Variants in XPR1 observed in about 807,000 individuals in gnomAD.
XPR1 encodes the protein solute carrier family 53 member 1.
A neutral mutation model predicts 87.5 loss-of-function variants in XPR1; 28 were observed. The ratio of observed to expected loss-of-function variants is 0.32; its 90% CI spans 0.24 to 0.44. The LOEUF (loss-of-function observed/expected upper bound fraction) is 0.44, where lower values mean the gene tolerates loss of function less well. XPR1 is among the 20% of genes least tolerant of loss of function. The pLI is 1.00. For missense variants in XPR1, 559 were observed against 862.3 expected (o/e 0.65, Z 4.41); for synonymous variants, 300 against 306.1 (o/e 0.98, Z 0.21).
chr1:180,768,744 A>C (rs965094448), intron 2 of XPR1, among the ~76,000 whole-genome samples: 5 of 152,220 alleles, frequency 3.3e-5, no homozygotes, highest in African/African-American at 1.2e-4. Context: ...TTACTATCTC[A>C]ACTCCCCTAA....
chr1:180,857,299 A>T (rs1490787317), intron 11 of XPR1, among the ~76,000 whole-genome samples: 1 of 152,110 alleles, frequency 6.6e-6, no homozygotes, highest in South Asian at 2.1e-4. Context: ...TGTTTTCTTC[A>T]TGGTATTTTT....
intron 7 of XPR1, among the ~76,000 whole-genome samples, chr1:180,822,282 A>G (rs182214069): frequency 7.7e-4 from 118 of 152,278 alleles, no homozygotes; most frequent in Non-Finnish European, 1.3e-3. Context: ...CTTTCTTCCT[A>G]GAGCAATCTA....
At chr1:180,850,018 A>G (rs1421618735) in intron 11 of XPR1, among the ~76,000 whole-genome samples, 1 of 152,152 alleles carries the variant, frequency 6.6e-6, no homozygotes, top group Non-Finnish European at 1.5e-5. Flanking sequence ...TTTATTTTTA[A>G]TTATATCTCA....
At chr1:180,653,937 T>C (rs1459422969) in intron 1 of XPR1, among the ~76,000 whole-genome samples, 1 of 152,132 alleles carries the variant, frequency 6.6e-6, no homozygotes, top group East Asian at 1.9e-4. Flanking sequence ...ATTTTCCACT[T>C]GTATTTTTGG....
intron 2 of XPR1, among the ~76,000 whole-genome samples, chr1:180,705,265 A>G (rs962668846): frequency 6.6e-5 from 10 of 152,158 alleles, no homozygotes; most frequent in Non-Finnish European, 1.3e-4. Flanking sequence ...CAGAGTGCCA[A>G]TTCGTGTTTC....
intron 13 of XPR1, among the ~76,000 whole-genome samples, chr1:180,878,940 G>A (rs554325504): frequency 6.6e-6 from 1 of 152,162 alleles, no homozygotes; most frequent in South Asian, 2.1e-4. Context: ...AACCTATTAT[G>A]TGAAATACTG....
chr1:180,805,717 G>A (rs78318478), intron 4 of XPR1, among the ~76,000 whole-genome samples: 17 of 152,146 alleles, frequency 1.1e-4, no homozygotes, highest in Admixed American at 1.3e-4. Context: ...GACCAAAGCA[G>A]CAAAATAATA....
intron 7 of XPR1, among the ~76,000 whole-genome samples, chr1:180,812,790 A>T (rs1650267499): frequency 6.6e-6 from 1 of 151,818 alleles, no homozygotes; most frequent in African/African-American, 2.4e-5. Flanking sequence ...CTGGGATTAC[A>T]GGCACACACC....
At chr1:180,872,611 C>T (rs1416437537) in intron 12 of XPR1, among the ~76,000 whole-genome samples, 17 of 120,870 alleles carry the variant, frequency 1.4e-4, no homozygotes, top group Non-Finnish European at 2.6e-4. Context: ...TTCTTTGACT[C>T]GGAAAGGGAA....
intron 1 of XPR1, among the ~76,000 whole-genome samples, chr1:180,674,947 C>T (rs984322604): frequency 6.6e-6 from 1 of 152,008 alleles, no homozygotes; most frequent in African/African-American, 2.4e-5. Context: ...TTTTTCCTGT[C>T]ATGGTAATGT....
chr1:180,840,649 T>C (rs1393169364), intron 11 of XPR1, among the ~76,000 whole-genome samples: 2 of 151,104 alleles, frequency 1.3e-5, no homozygotes, highest in East Asian at 3.9e-4. Context: ...AACAAAAATA[T>C]TTTTTAGATG....
At chr1:180,719,197 G>C (rs748354420) in intron 2 of XPR1, among the ~76,000 whole-genome samples, 1 of 152,240 alleles carries the variant, frequency 6.6e-6, no homozygotes, top group South Asian at 2.1e-4. Flanking sequence ...TTGAACCTGA[G>C]AACAGAGATT....
At chr1:180,815,514 G>T (rs781619388) in intron 7 of XPR1, among the ~76,000 whole-genome samples, 1 of 152,096 alleles carries the variant, frequency 6.6e-6, no homozygotes, top group Admixed American at 6.6e-5. Context: ...GTACAAGCAC[G>T]ATTCTTTTTT....
chr1:180,802,787 T>C lies in XPR1; in HGVS notation c.224-601T>C, dbSNP rs185799986. ...AAATGGAAACATACAATATTGGGTA[T>C]TTTGTGTCTGGTTTCTTTCACTTAA... is the stretch of plus-strand genomic sequence containing the variant. On this transcript the variant is annotated intron_variant, in intron 3 of 14. Coordinates refer to ENST00000367590, the MANE Select transcript of XPR1 (RefSeq NM_004736.4). Among the ~76,000 whole-genome samples the C allele has an allele frequency of 5.1e-3, 784 of 152,308 alleles. 4 individuals carry two copies. The highest frequency in any genetic ancestry group is 0.017 in the Middle Eastern group (5 of 294).
At chr1:180,807,315 T>C (rs1162601431) in intron 6 of XPR1, among the ~76,000 whole-genome samples, 1 of 152,208 alleles carries the variant, frequency 6.6e-6, no homozygotes, top group East Asian at 1.9e-4. Context: ...GTAGAAAATC[T>C]AGTGAATCTA....
At chr1:180,712,550 G>A (rs1657836667) in intron 2 of XPR1, among the ~76,000 whole-genome samples, 1 of 152,214 alleles carries the variant, frequency 6.6e-6, no homozygotes, top group South Asian at 2.1e-4. Context: ...GCTCATGCCT[G>A]TAATCCCAGC....
At chr1:180,749,639 TCACACA>T (rs139363505) in intron 2 of XPR1, among the ~76,000 whole-genome samples, 4,002 of 142,360 alleles carry the variant, frequency 0.028, 73 homozygotes, top group African/African-American at 0.045. Flanking sequence ...CACATATACA[TCACACA>T]CACACACACA....
At chr1:180,686,702 AT>A (rs1160994710) in intron 2 of XPR1, among the ~76,000 whole-genome samples, 1 of 152,190 alleles carries the variant, frequency 6.6e-6, no homozygotes, top group Non-Finnish European at 1.5e-5. Context: ...GTACAGAATA[AT>A]ACCTTTATAA....
intron 1 of XPR1, among the ~76,000 whole-genome samples, chr1:180,674,518 A>G (rs979752070): frequency 5.3e-5 from 8 of 151,570 alleles, no homozygotes; most frequent in Non-Finnish European, 8.8e-5. Flanking sequence ...CTCGGCCTCC[A>G]AAAGTGCTGG....
Sources: allele counts gnomAD v4.1 joint callset (sites outside exome capture counted in the v4.1 genomes callset), GRCh38; gene constraint gnomAD v4.1.1; transcripts MANE v1.5; gene names NCBI Gene and HGNC (gene_info 2026-07-23, HGNC 2026-07-21).